RNF220: variants seen among roughly 807,000 people sequenced by gnomAD.
The protein encoded by RNF220 is ring finger protein 220.
In RNF220, 7 loss-of-function variants were observed where a neutral mutation model predicts 67.1. That is an observed-to-expected ratio of 0.10 (90% confidence interval 0.06 to 0.20). The LOEUF is 0.20. RNF220 is among the 10% of genes least tolerant of loss of function. The pLI, the probability that RNF220 is intolerant of heterozygous loss-of-function variation, is 1.00. For synonymous variants in RNF220, 270 were observed against 283.2 expected (o/e 0.95, Z 0.47); for missense variants, 565 against 740.3 (o/e 0.76, Z 2.75).
chr1:44,413,823 G>A (rs1187059357), intron 2 of RNF220, among the ~76,000 whole-genome samples: 2 of 151,084 alleles, frequency 1.3e-5, no homozygotes, highest in Admixed American at 6.6e-5. Context: ...ATGATGCCGA[G>A]GAGAGTAATA....
chr1:44,632,365 A>G lies in RNF220; in HGVS notation c.929A>G (p.Asn310Ser). Residue 310 changes from asparagine to serine, a missense_variant, in exon 6 of 15, where the codon AAC becomes AGC. Transcript: ENST00000361799. Reference sequence around the variant, plus strand: ...CAGACCTTTCTGCGAGTACGAGCCAACCGGCAGACCCGACTGAATGGTGAG... The same window carrying G: ...CAGACCTTTCTGCGAGTACGAGCCAGCCGGCAGACCCGACTGAATGGTGAG... The part of the protein sequence containing the change: ...RYQTFLRVRA[N>S]RQTRLNARIG... The G allele has an allele frequency of 6.2e-7, 1 of 1,613,798 alleles. No homozygotes were observed. Among genetic ancestry groups the G allele is most frequent in the Non-Finnish European group, 8.5e-7 (1 of 1,179,946 alleles).
rs1043415875 is a variant in RNF220 at position 44,650,390 on chromosome 1, C to G, written c.1630-314C>G. 19 of 468,396 alleles carry G rather than the reference C, an allele frequency of 4.1e-5. No individual in the cohort carries two copies. The South Asian group carries it at 4.7e-4, about 12-fold the overall frequency. The allele number at this position is 468,396 out of a possible 1,614,324, so 29.0% of individuals were successfully genotyped here. On this transcript the variant is annotated intron_variant, in intron 14 of 14. Transcript: ENST00000361799. The surrounding 1 kb of genome is among the most constrained non-coding windows in gnomAD (Gnocchi z 4.3). ...CGGAGACAGTAATAAAAGGCTCGGA[C>G]GTGGGCTCTGTGTCCTGATCAAAGG...
chr1:44,469,011 G>T (rs754643052), intron 2 of RNF220, among the ~76,000 whole-genome samples: 38 of 152,082 alleles, frequency 2.5e-4, no homozygotes, highest in Non-Finnish European at 2.8e-4. Context: ...ATGACAAAGG[G>T]CTAATTTCTT....
chr1:44,415,697 G>T (rs1426542548), intron 2 of RNF220, among the ~76,000 whole-genome samples: 1 of 152,028 alleles, frequency 6.6e-6, no homozygotes. Context: ...GAGTTTTGTT[G>T]GTGGGTGGGG....
At chr1:44,634,363 C>G (rs958398263) in intron 6 of RNF220, among the ~76,000 whole-genome samples, 1 of 152,262 alleles carries the variant, frequency 6.6e-6, no homozygotes, top group African/African-American at 2.4e-5. Flanking sequence ...TGCAATCTAG[C>G]TTCAGCAAGT....
chr1:44,408,606 A>C (rs1407455859), intron 1 of RNF220: 2 of 152,156 alleles, frequency 1.3e-5, no homozygotes, highest in African/African-American at 4.8e-5. Context: ...TAATTTTTTT[A>C]AAAGTTTATT....
chr1:44,572,114 G>T (rs771717906), intron 2 of RNF220, among the ~76,000 whole-genome samples: 1 of 152,212 alleles, frequency 6.6e-6, no homozygotes, highest in Non-Finnish European at 1.5e-5. Context: ...AAATCCTGGA[G>T]TCAGAGATAA....
chr1:44,602,790 C>T (rs997774187), intron 2 of RNF220, among the ~76,000 whole-genome samples: 1 of 152,142 alleles, frequency 6.6e-6, no homozygotes, highest in African/African-American at 2.4e-5. Flanking sequence ...GCAGGAACCC[C>T]TGCACCTTCA....
In RNF220 at chr1:44,418,523, A is replaced by G. The variant is rs1465478434; in HGVS notation, c.625+5801A>G. On this transcript the variant is annotated intron_variant, in intron 2 of 14. Coordinates refer to ENST00000361799, the MANE Select transcript of RNF220 (RefSeq NM_018150.4). ...GGCCTCTGAGGCTCGCAGCCAGCAC[A>G]GCGGGGCTCGTTAAAGTCTGGGCAA... Among the ~76,000 whole-genome samples the G allele has an allele frequency of 2.6e-5, 4 of 152,150 alleles. No individual in the cohort carries two copies. In the East Asian group the frequency reaches 7.7e-4, roughly 29 times the overall value.
At chr1:44,595,851 C>T (rs1191710029) in intron 2 of RNF220, among the ~76,000 whole-genome samples, 3 of 152,148 alleles carry the variant, frequency 2.0e-5, no homozygotes, top group Non-Finnish European at 2.9e-5. Context: ...GCAAGCTCCA[C>T]CTCCCGGGTT....
chr1:44,586,674 C>G (rs1268284840), intron 2 of RNF220, among the ~76,000 whole-genome samples: 1 of 152,126 alleles, frequency 6.6e-6, no homozygotes, highest in Non-Finnish European at 1.5e-5. Flanking sequence ...AGGGTTGGCC[C>G]TTTTAGGAGA....
intron 2 of RNF220, among the ~76,000 whole-genome samples, chr1:44,467,643 A>G (rs192943157): frequency 9.8e-4 from 150 of 152,356 alleles, no homozygotes; most frequent in African/African-American, 3.6e-3. Flanking sequence ...TATCCAGACC[A>G]CTAAAACTTT....
intron 4 of RNF220, among the ~76,000 whole-genome samples, chr1:44,625,629 C>A (rs1028555764): frequency 1.6e-4 from 24 of 152,074 alleles, no homozygotes; most frequent in Admixed American, 7.2e-4. Flanking sequence ...GCTGAACAGG[C>A]CTTGGCAAGA....
intron 2 of RNF220, among the ~76,000 whole-genome samples, chr1:44,549,468 G>A (rs1355879254): frequency 3.3e-5 from 5 of 152,128 alleles, no homozygotes; most frequent in African/African-American, 7.2e-5. Context: ...TCTCTTGCTC[G>A]CAACCCATCA....
intron 2 of RNF220, among the ~76,000 whole-genome samples, chr1:44,472,846 A>C (rs1031094715): frequency 6.6e-6 from 1 of 152,218 alleles, no homozygotes; most frequent in Non-Finnish European, 1.5e-5. Context: ...CTGGGCCAGC[A>C]GGGTGACGGG....
chr1:44,601,920 G>C (rs1407177789), intron 2 of RNF220, among the ~76,000 whole-genome samples: 1 of 152,194 alleles, frequency 6.6e-6, no homozygotes, highest in Non-Finnish European at 1.5e-5. Context: ...TTGGGTTGTG[G>C]AGAAGGCAAA....
rs1301792042 is a variant in RNF220 at position 44,622,959 on chromosome 1, C to CGT, written c.804+183_804+184dup. Among the ~76,000 whole-genome samples, 1 of 151,872 alleles carries CGT rather than the reference C, an allele frequency of 6.6e-6. No individual in the cohort carries two copies. The highest frequency in any genetic ancestry group is 1.5e-5 in the Non-Finnish European group (1 of 67,978). On this transcript the variant is annotated intron_variant, in intron 4 of 14. Coordinates refer to ENST00000361799, the MANE Select transcript of RNF220 (RefSeq NM_018150.4). The surrounding 1 kb of genome is among the most constrained non-coding windows in gnomAD (Gnocchi z 4.3). ...ATCATCCTGAGGCCTAGGGCTGCGC[C>CGT]GTGTGTGTGTGTAAGTGTGTGTGGT...
chr1:44,609,942 C>T (rs74596877), intron 2 of RNF220, among the ~76,000 whole-genome samples: 1,571 of 152,306 alleles, frequency 0.01, 11 homozygotes, highest in Non-Finnish European at 0.015. Context: ...TCTGCAGAGT[C>T]GCCTCCCTGC....
chr1:44,506,858 G>C (rs1250937270), intron 2 of RNF220, among the ~76,000 whole-genome samples: 1 of 152,162 alleles, frequency 6.6e-6, no homozygotes, highest in Non-Finnish European at 1.5e-5. Context: ...TGCCTTATGG[G>C]ATTATTGGGG....
Sources: gnomAD v4.1 joint callset for allele counts (sites outside exome capture counted in the v4.1 genomes callset) on GRCh38, gnomAD v4.1.1 for gene constraint, Gnocchi (gnomAD v3.1) non-coding constraint, MANE v1.5 for transcripts, NCBI Gene and HGNC (gene_info 2026-07-23, HGNC 2026-07-21) for gene names.